The following FOXP2 variants were observed in gnomAD, a reference collection of about 807,000 sequenced individuals.
FOXP2 encodes forkhead box protein P2.
Under a neutral mutation model 115.8 loss-of-function variants are expected in FOXP2, and 12 were observed. The observed-to-expected ratio is 0.10, with a 90% CI of 0.07 to 0.17. FOXP2 has a LOEUF of 0.17. Ranked by LOEUF, FOXP2 falls within the 10% of genes least tolerant of loss-of-function variation. The pLI, the probability that FOXP2 is intolerant of heterozygous loss-of-function variation, is 1.00. For missense variants in FOXP2, 629 were observed against 843.5 expected, an observed-to-expected ratio of 0.75 and a Z score of 3.15; for synonymous variants, 328 against 297.7, an observed-to-expected ratio of 1.10 and a Z score of -1.05.
At chr7:114,307,591 AT>A (rs1245319992) in intron 2 of FOXP2, among the ~76,000 whole-genome samples, 1 of 152,156 alleles carries the variant, frequency 6.6e-6, no homozygotes, top group Non-Finnish European at 1.5e-5. Flanking sequence ...ACCAAACTTT[AT>A]TTGGATCATC....
chr7:114,370,256 C>T (rs1307934756), intron 2 of FOXP2, among the ~76,000 whole-genome samples: 1 of 152,148 alleles, frequency 6.6e-6, no homozygotes, highest in Non-Finnish European at 1.5e-5. Context: ...ATTAGATGTA[C>T]TTGCATGGTT....
rs140523822 is a variant in FOXP2 at position 114,616,264 on chromosome 7, G to A, written c.259-12276G>A. Among the ~76,000 whole-genome samples the A allele has an allele frequency of 2.9e-3, 432 of 151,464 alleles. 2 individuals carry two copies. Among genetic ancestry groups the A allele is most frequent in the African/African-American group, 0.01 (414 of 41,372 alleles). On this transcript the variant is annotated intron_variant, in intron 3 of 16. Transcript: ENST00000350908. ...TGCAACCTCCACCTCCAGGGTTCAAGCGATTCTCCTGCCTCAGCCTCTGGT... is the reference window on the plus strand; with the variant it reads ...TGCAACCTCCACCTCCAGGGTTCAAACGATTCTCCTGCCTCAGCCTCTGGT...
In FOXP2 at chr7:114,690,083, A is replaced by T; in HGVS notation, c.*157A>T. ...GAACTTACTAAGCCAGCCCTTTGGG[A>T]TTCAGTACCAACAGGCAAATTGCTT... On this transcript the variant is annotated 3_prime_UTR_variant, in exon 17 of 17. Transcript: ENST00000350908. 6 of 784,422 alleles carry T rather than the reference A, an allele frequency of 7.6e-6. No individual in the cohort carries two copies. The highest frequency in any genetic ancestry group is 2.0e-5 in the Admixed American group (1 of 50,768). 48.6% of individuals were successfully genotyped at this position (784,422 alleles called of 1,614,324 possible).
intron 2 of FOXP2, among the ~76,000 whole-genome samples, chr7:114,307,815 A>G (rs368999384): frequency 1.1e-4 from 16 of 152,330 alleles, no homozygotes; most frequent in South Asian, 8.3e-4. Context: ...CAAAGATGGC[A>G]TCAGGCACAA....
intron 2 of FOXP2, among the ~76,000 whole-genome samples, chr7:114,302,589 A>C (rs562236384): frequency 6.6e-5 from 10 of 152,332 alleles, no homozygotes; most frequent in African/African-American, 2.4e-4. Flanking sequence ...CCTATGAATT[A>C]TTGTGGTGGA....
chr7:114,543,431 C>T (rs1304743713), intron 3 of FOXP2, among the ~76,000 whole-genome samples: 1 of 152,160 alleles, frequency 6.6e-6, no homozygotes, highest in African/African-American at 2.4e-5. Flanking sequence ...TTCTTGTATA[C>T]TGTCCTTGGT....
At chr7:114,184,655 G>A (rs1027447030) in intron 1 of FOXP2, among the ~76,000 whole-genome samples, 3 of 152,126 alleles carry the variant, frequency 2.0e-5, no homozygotes, top group African/African-American at 7.2e-5. Flanking sequence ...AATGAGACAT[G>A]CAGCACCCAG....
intron 3 of FOXP2, among the ~76,000 whole-genome samples, chr7:114,541,056 C>T (rs927825340): frequency 6.6e-6 from 1 of 151,982 alleles, no homozygotes; most frequent in African/African-American, 2.4e-5. Flanking sequence ...GAAGGGAATT[C>T]TGAGAAACCT....
chr7:114,584,873 T>G (rs1427941174), intron 3 of FOXP2, among the ~76,000 whole-genome samples: 3 of 152,200 alleles, frequency 2.0e-5, no homozygotes, highest in Non-Finnish European at 4.4e-5. Flanking sequence ...GCATATTACT[T>G]CATTTTCCCA....
At chr7:114,166,238 G>A (rs1562988586) in intron 1 of FOXP2, among the ~76,000 whole-genome samples, 1 of 151,972 alleles carries the variant, frequency 6.6e-6, no homozygotes, top group Non-Finnish European at 1.5e-5. Context: ...TATGATCCAT[G>A]AAAAAAATTA....
At chr7:114,363,430 G>T (rs2129187943) in intron 2 of FOXP2, among the ~76,000 whole-genome samples, 1 of 152,214 alleles carries the variant, frequency 6.6e-6, no homozygotes, top group Admixed American at 6.5e-5. Context: ...GTGGGAAAAA[G>T]TATGTCAGTG....
At chr7:114,257,096 C>T (rs1795634494) in intron 1 of FOXP2, among the ~76,000 whole-genome samples, 1 of 152,154 alleles carries the variant, frequency 6.6e-6, no homozygotes, top group Non-Finnish European at 1.5e-5. Context: ...CCAAAACAGA[C>T]ACATAAACCA....
intron 1 of FOXP2, among the ~76,000 whole-genome samples, chr7:114,236,505 T>A (rs1456759932): frequency 6.6e-6 from 1 of 152,236 alleles, no homozygotes; most frequent in African/African-American, 2.4e-5. Context: ...GAATTGTAAA[T>A]GTATAGCTAT....
intron 2 of FOXP2, among the ~76,000 whole-genome samples, chr7:114,315,148 T>A (rs1797245337): frequency 6.6e-6 from 1 of 152,180 alleles, no homozygotes; most frequent in South Asian, 2.1e-4. Flanking sequence ...CTGTGAGGGT[T>A]AATTGTTTAC....
intron 1 of FOXP2, among the ~76,000 whole-genome samples, chr7:114,195,327 A>T (rs1309605874): frequency 6.6e-6 from 1 of 152,156 alleles, no homozygotes; most frequent in East Asian, 1.9e-4. Context: ...CCTCATGTTT[A>T]TCTTATATAT....
intron 2 of FOXP2, among the ~76,000 whole-genome samples, chr7:114,344,879 A>G (rs1038482707): frequency 2.0e-5 from 3 of 151,828 alleles, no homozygotes; most frequent in African/African-American, 7.2e-5. Context: ...GATCTAGTGG[A>G]CATACACAAA....
intron 1 of FOXP2, among the ~76,000 whole-genome samples, chr7:114,177,373 C>G (rs1041004597): frequency 3.9e-5 from 6 of 151,980 alleles, no homozygotes; most frequent in Non-Finnish European, 7.4e-5. Context: ...TTAAGTTGTT[C>G]CACATTTTGT....
intron 1 of FOXP2, among the ~76,000 whole-genome samples, chr7:114,280,117 TAAATAAAA>T (rs1236111541): frequency 1.0e-4 from 15 of 150,510 alleles, no homozygotes; most frequent in Admixed American, 2.6e-4. Flanking sequence ...AATAAATAAA[TAAATAAAA>T]ACAGGTGGTT....
chr7:114,219,083 G>T (rs1478348834), intron 1 of FOXP2, among the ~76,000 whole-genome samples: 3 of 151,992 alleles, frequency 2.0e-5, no homozygotes, highest in Non-Finnish European at 4.4e-5. Context: ...AACAACTGAA[G>T]TCTCAATTCA....
Sources: allele counts gnomAD v4.1 joint callset (sites outside exome capture counted in the v4.1 genomes callset), GRCh38; gene constraint gnomAD v4.1.1; transcripts MANE v1.5; gene names NCBI Gene and HGNC (gene_info 2026-07-23, HGNC 2026-07-21).